POLD2: variants seen among roughly 807,000 people sequenced by gnomAD.
The protein encoded by POLD2 is DNA polymerase delta 2, accessory subunit, also known as DNA polymerase delta subunit 2.
In POLD2, 31 loss-of-function variants were observed where a neutral mutation model predicts 48.8. The observed-to-expected ratio is 0.64, with a 90% CI of 0.48 to 0.86. The LOEUF is 0.86. Among genes scored for constraint, POLD2 ranks in the 40% least tolerant of loss-of-function variants. The pLI, the probability that POLD2 is intolerant of heterozygous loss-of-function variation, is 0.00. For missense variants in POLD2, 455 were observed against 610.1 expected (o/e 0.75, Z 2.68); for synonymous variants, 233 against 256.3 (o/e 0.91, Z 0.87).
chr7:44,117,325 C>G lies in POLD2; in HGVS notation c.467-78G>C, dbSNP rs375182702. The G allele has an allele frequency of 7.9e-5, 82 of 1,041,642 alleles. No homozygotes were observed. The East Asian group carries it at 1.5e-3, about 19-fold the overall frequency. 64.5% of individuals were successfully genotyped at this position (1,041,642 alleles called of 1,614,324 possible). A position where few individuals can be genotyped will look rare whatever the true frequency, so the allele number is the denominator to read the frequency against. On this transcript the variant is annotated intron_variant, in intron 4 of 10. Transcript: ENST00000610533. The stretch of plus-strand genomic sequence containing the variant: ...CTTCCAGTCACCCCAACGGGCAAAA[C>G]AAGCCAGTTCTCCACAACCACATTG...
rs2096242638 is a variant in POLD2, at chr7:44,117,827, C to A, written c.343-85G>T. 4.9e-5 allele frequency: 78 copies of A among 1,600,310 alleles called. No homozygotes were observed. In the South Asian group the frequency reaches 7.7e-4, roughly 16 times the overall value. On this transcript the variant is annotated intron_variant, in intron 3 of 10. Coordinates refer to ENST00000610533, the MANE Select transcript of POLD2 (RefSeq NM_006230.4). ...TAGTGAGCTGGCACCGCAGCCCCCACCCCTCTGGAGTCCATTGTCTCTGAA... is the reference window on the plus strand; with the variant it reads ...TAGTGAGCTGGCACCGCAGCCCCCAACCCTCTGGAGTCCATTGTCTCTGAA...
chr7:44,120,774 ATTG>A (rs914057102), intron 2 of POLD2, among the ~76,000 whole-genome samples: 1 of 152,124 alleles, frequency 6.6e-6, no homozygotes, highest in Non-Finnish European at 1.5e-5. Context: ...TTCTGCCATG[ATTG>A]TTAAGTTTCC....
Position 44,116,383 on chromosome 7 carries a change from T to C in POLD2, c.861+47A>G. ...TGCCTTCTGTTGCCCAGTGGCAGCTTTGAAGACTGCAATCCCCATCACCCC... is the reference window on the plus strand; with the variant it reads ...TGCCTTCTGTTGCCCAGTGGCAGCTCTGAAGACTGCAATCCCCATCACCCC... On this transcript the variant is annotated intron_variant, in intron 7 of 10. Transcript: ENST00000610533. The surrounding 1 kb of genome is among the most constrained non-coding windows in gnomAD (Gnocchi z 6.1). 2 of 1,582,536 alleles carry C rather than the reference T, an allele frequency of 1.3e-6. No homozygotes were observed. Among genetic ancestry groups the C allele is most frequent in the African/African-American group, 1.3e-5 (1 of 74,372 alleles).
chr7:44,117,028 G>A lies in POLD2; in HGVS notation c.582-13C>T, dbSNP rs201725826. ...CAGTAGCACAAACCTGCGGGAGAAG[G>A]TGGGGTCCTCCAGGGTGCCGAGAAG... On this transcript the variant is annotated splice_polypyrimidine_tract_variant and intron_variant, in intron 5 of 10. Transcript: ENST00000610533. 802 of 1,612,628 alleles carry A rather than the reference G, an allele frequency of 5.0e-4. No individual in the cohort carries two copies. Among genetic ancestry groups the A allele is most frequent in the Admixed American group, 1.4e-3 (86 of 59,842 alleles).
intron 2 of POLD2, among the ~76,000 whole-genome samples, chr7:44,118,564 G>C (rs1172512889): frequency 6.6e-6 from 1 of 152,244 alleles, no homozygotes; most frequent in African/African-American, 2.4e-5. Context: ...CCAGGCTGGA[G>C]TGCAGTGGCG....
intron 3 of POLD2, 62 bp from the exon 4 acceptor site, chr7:44,117,804 G>C: frequency 1.2e-6 from 2 of 1,609,022 alleles, no homozygotes; most frequent in East Asian, 2.2e-5. Context: ...TCTGGTGTTA[G>C]TGAGCTGGCA....
chr7:44,122,038 C>T lies in POLD2; in HGVS notation c.16G>A (p.Ala6Thr). ...AGTAGAGTGTGGGCCCTCTGGGCAGCCTGCTCAGAAAACATGGCCACACTC... is the reference window on the plus strand; with the variant it reads ...AGTAGAGTGTGGGCCCTCTGGGCAGTCTGCTCAGAAAACATGGCCACACTC... Reference protein sequence around the residue: MFSEQAAQRAHTLLSP... With the variant: MFSEQTAQRAHTLLSP... The change falls in exon 2 of 11, where the codon GCT becomes ACT. Residue 6 changes from alanine to threonine, a missense_variant. Coordinates refer to ENST00000610533, the MANE Select transcript of POLD2 (RefSeq NM_006230.4). 6.2e-7 allele frequency: 1 copy of T among 1,613,026 alleles called. No individual in the cohort carries two copies. The highest frequency in any genetic ancestry group is 1.1e-5 in the South Asian group (1 of 91,026).
chr7:44,123,799 T>G (rs2096251854), upstream of POLD2: 3 of 1,018,340 alleles, frequency 2.9e-6, no homozygotes, highest in South Asian at 6.9e-5. Context: ...GGGGTTGGGC[T>G]GACGGGGGGT....
upstream of POLD2, chr7:44,123,721 C>A: frequency 7.4e-7 from 1 of 1,344,688 alleles, no homozygotes; most frequent in Non-Finnish European, 9.5e-7. Flanking sequence ...CCCTCGGTTT[C>A]CTGGGCAACG....
intron 9 of POLD2, 60 bp downstream of exon 9, chr7:44,115,706 T>A (rs768154774): frequency 6.3e-7 from 1 of 1,581,066 alleles, no homozygotes; most frequent in Non-Finnish European, 8.6e-7. Flanking sequence ...CCTGTGCACT[T>A]CAGGGTCCTG....
Position 44,115,284 on chromosome 7 carries a change from A to T in POLD2, c.1249+11T>A. On this transcript the variant is annotated intron_variant, in intron 10 of 10. Transcript: ENST00000610533. ...GCAAATCAGCCTGGGCCCCCAGAAGACAAAAATTACCTCGGATGATTTTGG... is the reference window on the plus strand; with the variant it reads ...GCAAATCAGCCTGGGCCCCCAGAAGTCAAAAATTACCTCGGATGATTTTGG... The T allele has an allele frequency of 6.3e-7, 1 of 1,588,384 alleles. No individual in the cohort carries two copies. Among genetic ancestry groups the T allele is most frequent in the Non-Finnish European group, 8.6e-7 (1 of 1,156,590 alleles).
At position 44,123,211 on chromosome 7, in the gene POLD2, A is replaced by G. The variant is rs184264961; in HGVS notation, c.-57+300T>C. On this transcript the variant is annotated intron_variant, in intron 1 of 10. Coordinates refer to ENST00000610533, the MANE Select transcript of POLD2 (RefSeq NM_006230.4). ...TTAAAAAATTCCCTAGCGGCTTGCA[A>G]TCTATCTCCACGGGACAGCACTGGC... The G allele has an allele frequency of 4.2e-4, 525 of 1,257,694 alleles. 2 individuals are homozygous for G. The African/African-American group carries it at 6.8e-3, about 16-fold the overall frequency. The allele number at this position is 1,257,694 out of a possible 1,614,324, so 77.9% of individuals were successfully genotyped here.
Position 44,117,253 on chromosome 7 carries a change from G to A in POLD2, c.467-6C>T, listed in dbSNP as rs41279615. On this transcript the variant is annotated splice_polypyrimidine_tract_variant and splice_region_variant and intron_variant, in intron 4 of 10. Transcript: ENST00000610533. ...AAACACAGCCAGGACAGTCCCTGGG[G>A]AGCAGTGGCATCAGGCCTGAGCAGG... The A allele has an allele frequency of 9.1e-3, 14,667 of 1,607,684 alleles. 105 individuals are homozygous for A. The highest frequency in any genetic ancestry group is 0.011 in the Non-Finnish European group (12,821 of 1,174,678).
intron 1 of POLD2, chr7:44,123,198 C>T (rs2096250489): frequency 8.0e-7 from 1 of 1,244,986 alleles, no homozygotes; most frequent in Non-Finnish European, 1.0e-6. Context: ...AAAAAATTCC[C>T]TAGCGGCTTG....
rs2096248435 is a variant in POLD2, at chr7:44,121,766, T to C, written c.220+68A>G. On this transcript the variant is annotated intron_variant, in intron 2 of 10. Transcript: ENST00000610533. This position sits in a 1 kb window ranked among gnomAD's most constrained non-coding sequence, Gnocchi z 4.5. ...GGATCAATTAGATAAACTGTTCCCATTCTCTTGCAGAACACTTCTAAGTTC... is the reference window on the plus strand; with the variant it reads ...GGATCAATTAGATAAACTGTTCCCACTCTCTTGCAGAACACTTCTAAGTTC... 6.8e-7 allele frequency: 1 copy of C among 1,462,292 alleles called. No homozygotes were observed. Among genetic ancestry groups the C allele is most frequent in the Admixed American group, 2.1e-5 (1 of 47,368 alleles). The allele number at this position is 1,462,292 out of a possible 1,614,324, so 90.6% of individuals were successfully genotyped here.
chr7:44,115,811 TC>T lies in POLD2; in HGVS notation c.1101del (p.Trp367Ter), dbSNP rs2096238102. ...SMEDHLEILE[W>X]TLRVRHISPT... ...GGGCTGATGTGACGGACCCGCAGGGTCCACTCCAGGATCTCCAAGTGATCCT... is the reference window on the plus strand; with the variant it reads ...GGGCTGATGTGACGGACCCGCAGGGTCACTCCAGGATCTCCAAGTGATCCT... On this transcript the variant is annotated frameshift_variant, in exon 9 of 11. Transcript: ENST00000610533. LOFTEE classifies it high-confidence loss of function. 6.2e-7 allele frequency: 1 copy of T among 1,613,770 alleles called. No homozygotes were observed. The highest frequency in any genetic ancestry group is 8.5e-7 in the Non-Finnish European group (1 of 1,179,922).
At chr7:44,117,400 C>T in intron 4 of POLD2, 153 bp from the exon 5 acceptor site, 1 of 724,592 alleles carries the variant, frequency 1.4e-6, no homozygotes, top group Admixed American at 2.4e-5. Context: ...CCTGGAGTCA[C>T]TGCCCTTGGA....
In POLD2 at chr7:44,114,705, A is replaced by G; in HGVS notation, c.*80T>C. The stretch of plus-strand genomic sequence containing the variant: ...TCAAGGCTCGCATCAGCAAGTGCTC[A>G]GGCTTTATTTACAATGCCGACACTG... On this transcript the variant is annotated 3_prime_UTR_variant, in exon 11 of 11. Coordinates refer to ENST00000610533, the MANE Select transcript of POLD2 (RefSeq NM_006230.4). 1 of 1,439,410 alleles carries G rather than the reference A, an allele frequency of 6.9e-7. No individual in the cohort carries two copies. 89.2% of individuals were successfully genotyped at this position (1,439,410 alleles called of 1,614,324 possible). A position where few individuals can be genotyped will look rare whatever the true frequency, so the allele number is the denominator to read the frequency against.
chr7:44,122,387 T>C, intron 1 of POLD2: 10 of 1,166,816 alleles, frequency 8.6e-6, no homozygotes, highest in Non-Finnish European at 1.1e-5. Context: ...TCTGGACAAC[T>C]ACCAGGGTCT....
Sources: gnomAD v4.1 joint callset for allele counts (sites outside exome capture counted in the v4.1 genomes callset) on GRCh38, gnomAD v4.1.1 for gene constraint, Gnocchi (gnomAD v3.1) non-coding constraint, MANE v1.5 for transcripts, NCBI Gene and HGNC (gene_info 2026-07-23, HGNC 2026-07-21) for gene names.